The following ARHGAP25 variants were observed in gnomAD, a reference collection of about 807,000 sequenced individuals.
ARHGAP25 encodes rho GTPase-activating protein 25.
Under a neutral mutation model 71.0 loss-of-function variants are expected in ARHGAP25, and 34 were observed. The observed-to-expected ratio is 0.48, with a 90% confidence interval of 0.36 to 0.64. ARHGAP25 has a LOEUF of 0.64. Ranked by LOEUF, ARHGAP25 falls within the 30% of genes least tolerant of loss-of-function variation. The pLI is 0.00. For synonymous variants in ARHGAP25, 282 were observed against 296.5 expected (o/e 0.95, Z 0.50); for missense variants, 706 against 805.1 (o/e 0.88, Z 1.49).
intron 1 of ARHGAP25, among the ~76,000 whole-genome samples, chr2:68,739,566 A>G (rs1675409757): frequency 6.6e-6 from 1 of 152,224 alleles, no homozygotes; most frequent in Non-Finnish European, 1.5e-5. Flanking sequence ...AGCTTGAGGA[A>G]AGAATCTGGC....
intron 5 of ARHGAP25, among the ~76,000 whole-genome samples, chr2:68,812,679 C>T (rs1680916439): frequency 6.6e-6 from 1 of 152,180 alleles, no homozygotes; most frequent in Non-Finnish European, 1.5e-5. Flanking sequence ...CTTGAGTCCC[C>T]AGAGTTCTGT....
chr2:68,751,124 A>G (rs557789400), intron 1 of ARHGAP25, among the ~76,000 whole-genome samples: 1 of 152,248 alleles, frequency 6.6e-6, no homozygotes, highest in East Asian at 1.9e-4. Context: ...AATGTCTTTC[A>G]CTTGTACACA....
rs1681774696 is a variant in ARHGAP25, at chr2:68,822,588, C to A, written c.1449C>A (p.His483Gln). 3.1e-6 allele frequency: 5 copies of A among 1,614,146 alleles called. No homozygotes were observed. Among genetic ancestry groups the A allele is most frequent in the Non-Finnish European group, 4.2e-6 (5 of 1,180,026 alleles). Residue 483 changes from histidine to glutamine, a missense_variant, in exon 10 of 11, where the codon CAC (histidine) becomes CAA (glutamine). Transcript: ENST00000409202. ...PSSEAKAGEGHRRTMSQDLRQ... is the reference protein window; with the variant it reads ...PSSEAKAGEGQRRTMSQDLRQ... ...CAGAGGCTAAGGCAGGGGAAGGGCA[C>A]AGGAGAACGATGTCTCAAGACTTGC... is the stretch of plus-strand genomic sequence containing the variant.
intron 4 of ARHGAP25, among the ~76,000 whole-genome samples, chr2:68,804,488 C>T (rs1220343384): frequency 1.3e-5 from 2 of 152,268 alleles, no homozygotes; most frequent in East Asian, 3.8e-4. Flanking sequence ...GCTCCTTTTA[C>T]AGACAAATAG....
chr2:68,775,577 CA>C, intron 2 of ARHGAP25, 157 bp downstream of exon 2: 1 of 1,164,616 alleles, frequency 8.6e-7, no homozygotes, highest in Non-Finnish European at 1.2e-6. Context: ...TTTCTAGATA[CA>C]TAAACTGAGT....
chr2:68,807,023 A>G lies in ARHGAP25; in HGVS notation c.467-250A>G, dbSNP rs144847340. Among the ~76,000 whole-genome samples, 4 of 152,362 alleles carry G rather than the reference A, an allele frequency of 2.6e-5. No individual in the cohort carries two copies. The East Asian group carries it at 7.7e-4, about 29-fold the overall frequency. ...TGTGCAATTCCTAGCAAAAGAATTCAGTAAAAGCCAACCATTATTTTAAAT... is the reference window on the plus strand; with the variant it reads ...TGTGCAATTCCTAGCAAAAGAATTCGGTAAAAGCCAACCATTATTTTAAAT... On this transcript the variant is annotated intron_variant, in intron 4 of 10. Coordinates refer to ENST00000409202, the MANE Select transcript of ARHGAP25 (RefSeq NM_001007231.3).
In ARHGAP25 at chr2:68,775,218, T is replaced by C. The variant is rs1677795981; in HGVS notation, c.62-3T>C. On this transcript the variant is annotated splice_region_variant and splice_polypyrimidine_tract_variant and intron_variant, in intron 1 of 10. Transcript: ENST00000409202. ...CAGTCGGCCTGTCTGTTCCTCTCTA[T>C]AGCTCGGTCAAGGAGTGTGATGACT... The C allele has an allele frequency of 6.8e-6, 11 of 1,614,214 alleles. No homozygotes were observed. The highest frequency in any genetic ancestry group is 8.5e-6 in the Non-Finnish European group (10 of 1,180,042).
intron 2 of ARHGAP25, among the ~76,000 whole-genome samples, chr2:68,726,550 A>C (rs4854500): frequency 0.56 from 84,862 of 152,166 alleles, 25,569 homozygotes; most frequent in African/African-American, 0.79. Flanking sequence ...CAGGTAGAGC[A>C]CCAGCAGTAA....
rs1217968311 is a variant in ARHGAP25 at position 68,775,251 on chromosome 2, AGATGGCTGCCTT to A, written c.93_104del (p.Gln31_Phe35delinsHis). 1 of 1,614,286 alleles carries A rather than the reference AGATGGCTGCCTT, an allele frequency of 6.2e-7. No individual in the cohort carries two copies. The highest frequency in any genetic ancestry group is 1.1e-5 in the South Asian group (1 of 91,092). Reference sequence around the variant, plus strand: ...TCAAGGAGTGTGATGACTGGCGAGCAGATGGCTGCCTTCCATCCATCGTCCACCCCCAACCCG... The same window carrying A: ...TCAAGGAGTGTGATGACTGGCGAGCACCATCCATCGTCCACCCCCAACCCG... On this transcript the variant is annotated inframe_deletion, in exon 2 of 11. Transcript: ENST00000409202.
At position 68,734,990 on chromosome 2, in the gene ARHGAP25, C is replaced by A; in HGVS notation, c.-210C>A. The A allele has an allele frequency of 1.7e-6, 1 of 603,178 alleles. No homozygotes were observed. Among genetic ancestry groups the A allele is most frequent in the East Asian group, 2.8e-5 (1 of 35,738 alleles). The allele number at this position is 603,178 out of a possible 1,614,324, so 37.4% of individuals were successfully genotyped here. A position where few individuals can be genotyped will look rare whatever the true frequency, so the allele number is the denominator to read the frequency against. On this transcript the variant is annotated 5_prime_UTR_variant, in exon 1 of 11. Transcript: ENST00000409202. ...GAGGCTGGGGGAGTTTGGGTGCCAT[C>A]CTCCAGTGACAGATGGATGGACCTT...
chr2:68,735,323 G>A, intron 1 of ARHGAP25, 63 bp downstream of exon 1: 1 of 1,516,906 alleles, frequency 6.6e-7, no homozygotes, highest in Non-Finnish European at 9.2e-7. Flanking sequence ...CCATTTGCAT[G>A]TTGGTCTGCA....
At chr2:68,723,050 C>T (rs1193844929) in intron 2 of ARHGAP25, among the ~76,000 whole-genome samples, 1 of 152,164 alleles carries the variant, frequency 6.6e-6, no homozygotes, top group African/African-American at 2.4e-5. Context: ...GCTTCTTGAA[C>T]CGGCCATTCC....
chr2:68,740,526 A>G (rs957378506), intron 1 of ARHGAP25, among the ~76,000 whole-genome samples: 83 of 152,042 alleles, frequency 5.5e-4, no homozygotes, highest in African/African-American at 1.9e-3. Context: ...CCCTCTCTCC[A>G]TCTGGGTCTC....
intron 1 of ARHGAP25, among the ~76,000 whole-genome samples, chr2:68,770,722 G>GTCCA (rs1677435255): frequency 6.6e-6 from 1 of 152,086 alleles, no homozygotes. Flanking sequence ...AGCACCAACA[G>GTCCA]TCCAGTCATA....
At chr2:68,820,136 T>C (rs917697628) in intron 9 of ARHGAP25, among the ~76,000 whole-genome samples, 6 of 152,224 alleles carry the variant, frequency 3.9e-5, no homozygotes, top group African/African-American at 7.2e-5. Flanking sequence ...TGCATTCTAC[T>C]AACACTCTAA....
intron 4 of ARHGAP25, among the ~76,000 whole-genome samples, chr2:68,788,277 C>T (rs1678899855): frequency 6.6e-6 from 1 of 152,232 alleles, no homozygotes; most frequent in Non-Finnish European, 1.5e-5. Flanking sequence ...AAAGTACTCT[C>T]ATCTGTAAAA....
upstream of ARHGAP25, among the ~76,000 whole-genome samples, chr2:68,730,651 G>GAAA (rs199845152): frequency 1.7e-5 from 2 of 117,484 alleles, no homozygotes; most frequent in South Asian, 2.7e-4. Context: ...CCCTGTCTCA[G>GAAA]AAAAAAAAAA....
At chr2:68,824,281 A>G (rs1681926766) in intron 10 of ARHGAP25, among the ~76,000 whole-genome samples, 1 of 151,908 alleles carries the variant, frequency 6.6e-6, no homozygotes, top group African/African-American at 2.4e-5. Flanking sequence ...AGTCCTCTGA[A>G]TCCATCAGTT....
chr2:68,813,237 A>G (rs1240111095), intron 5 of ARHGAP25, 50 bp from the exon 6 acceptor site: 8 of 1,566,988 alleles, frequency 5.1e-6, no homozygotes, highest in Non-Finnish European at 6.9e-6. Flanking sequence ...GGAACATCCT[A>G]AAGTTTTTCT....
Sources: gnomAD v4.1 joint callset for allele counts (sites outside exome capture counted in the v4.1 genomes callset) on GRCh38, gnomAD v4.1.1 for gene constraint, MANE v1.5 for transcripts, NCBI Gene and HGNC (gene_info 2026-07-23, HGNC 2026-07-21) for gene names.